LRMDA: variants seen among roughly 807,000 people sequenced by gnomAD.
LRMDA encodes leucine rich melanocyte differentiation associated, also known as leucine-rich melanocyte differentiation-associated protein.
In LRMDA, 18 loss-of-function variants were observed where a neutral mutation model predicts 29.8. The ratio of observed to expected loss-of-function variants is 0.60; its 90% confidence interval spans 0.42 to 0.90. The LOEUF is 0.90. Ranked by LOEUF, LRMDA falls within the 40% of genes least tolerant of loss-of-function variation. LRMDA has a pLI of 0.00. For missense variants in LRMDA, 273 were observed against 273.9 expected, an observed-to-expected ratio of 1.00 and a Z score of 0.02; for synonymous variants, 125 against 109.4, an observed-to-expected ratio of 1.14 and a Z score of -0.89.
At chr10:76,518,676 A>G (rs1589222877) in intron 6 of LRMDA, among the ~76,000 whole-genome samples, 1 of 152,306 alleles carries the variant, frequency 6.6e-6, no homozygotes, top group South Asian at 2.1e-4. Flanking sequence ...ATGAAGTATG[A>G]TAGCTTCACA....
intron 2 of LRMDA, among the ~76,000 whole-genome samples, chr10:75,486,231 AT>A (rs1185802796): frequency 6.6e-6 from 1 of 152,180 alleles, no homozygotes; most frequent in African/African-American, 2.4e-5. Flanking sequence ...GAATTTAGGT[AT>A]TTTTTATTAC....
rs778172203 is a variant in LRMDA at position 76,120,894 on chromosome 10, G to A, written c.516+62111G>A. On this transcript the variant is annotated intron_variant, in intron 5 of 6. Transcript: ENST00000611255. The stretch of plus-strand genomic sequence containing the variant: ...GTCATCCAGGCTGGAGTGCAGTGGC[G>A]TGATCTTGGCTCACTGCAAGCTCTG... Among the ~76,000 whole-genome samples, 8 of 150,644 alleles carry A rather than the reference G, an allele frequency of 5.3e-5. No individual in the cohort carries two copies. In the East Asian group the frequency reaches 5.9e-4, roughly 11 times the overall value.
intron 2 of LRMDA, among the ~76,000 whole-genome samples, chr10:75,621,247 A>G (rs555572758): frequency 1.3e-5 from 2 of 149,552 alleles, no homozygotes; most frequent in African/African-American, 2.5e-5. Flanking sequence ...CACACACACC[A>G]CATTTTCTTT....
intron 6 of LRMDA, among the ~76,000 whole-genome samples, chr10:76,338,013 G>C (rs1384244464): frequency 6.6e-6 from 1 of 150,500 alleles, no homozygotes; most frequent in Non-Finnish European, 1.5e-5. Context: ...CTGTGACTAA[G>C]ACAGGAAGCT....
chr10:75,478,338 C>G (rs1485740032), intron 2 of LRMDA, among the ~76,000 whole-genome samples: 2 of 152,208 alleles, frequency 1.3e-5, no homozygotes, highest in Non-Finnish European at 2.9e-5. Flanking sequence ...GTTGCATTGT[C>G]TGCTGTTAAT....
At chr10:76,102,523 A>G (rs1849409960) in intron 5 of LRMDA, among the ~76,000 whole-genome samples, 1 of 152,186 alleles carries the variant, frequency 6.6e-6, no homozygotes, top group Non-Finnish European at 1.5e-5. Context: ...GCTTAGCATA[A>G]TGGCCTCCAG....
At chr10:76,503,015 G>C (rs1272655575) in intron 6 of LRMDA, among the ~76,000 whole-genome samples, 1 of 151,866 alleles carries the variant, frequency 6.6e-6, no homozygotes, top group African/African-American at 2.4e-5. Context: ...TCTTCAGTAT[G>C]ACATTGGCTA....
intron 2 of LRMDA, among the ~76,000 whole-genome samples, chr10:75,825,154 C>T (rs1327905298): frequency 2.0e-5 from 3 of 152,148 alleles, no homozygotes; most frequent in South Asian, 4.1e-4. Flanking sequence ...CACCCGAGAC[C>T]GCCCTATGGG....
At chr10:76,139,850 T>C (rs935405115) in intron 5 of LRMDA, among the ~76,000 whole-genome samples, 3 of 152,104 alleles carry the variant, frequency 2.0e-5, no homozygotes, top group Non-Finnish European at 4.4e-5. Context: ...GCAGTTTTCT[T>C]AGACCATATC....
intron 5 of LRMDA, among the ~76,000 whole-genome samples, chr10:76,100,802 C>T (rs1849383417): frequency 6.6e-6 from 1 of 152,154 alleles, no homozygotes; most frequent in Non-Finnish European, 1.5e-5. Context: ...GCATCTGCTC[C>T]CTCCTGTAGA....
At chr10:75,823,227 GC>G (rs1271694072) in intron 2 of LRMDA, among the ~76,000 whole-genome samples, 1 of 152,050 alleles carries the variant, frequency 6.6e-6, no homozygotes, top group African/African-American at 2.4e-5. Flanking sequence ...CTGACAAAAG[GC>G]TAATATCCAC....
At chr10:75,687,795 AG>A (rs997589631) in intron 2 of LRMDA, among the ~76,000 whole-genome samples, 1 of 152,198 alleles carries the variant, frequency 6.6e-6, no homozygotes, top group Admixed American at 6.5e-5. Context: ...TTCTCTTTTT[AG>A]GGGGTACTGC....
chr10:76,443,389 G>A lies in LRMDA; in HGVS notation c.602-113820G>A, dbSNP rs35649999. Among the ~76,000 whole-genome samples, 241 of 152,322 alleles carry A rather than the reference G, an allele frequency of 1.6e-3. 1 individual carries two copies. Among genetic ancestry groups the A allele is most frequent in the Non-Finnish European group, 2.9e-3 (198 of 68,036 alleles). ...GCATCACATCTTCGAGATAATCCGA[G>A]CTAGAGTTTGGCTGTCATCTAGAAT... On this transcript the variant is annotated intron_variant, in intron 6 of 6. Transcript: ENST00000611255.
At chr10:76,098,726 A>G (rs1229554386) in intron 5 of LRMDA, among the ~76,000 whole-genome samples, 1 of 152,176 alleles carries the variant, frequency 6.6e-6, no homozygotes, top group Non-Finnish European at 1.5e-5. Context: ...GGCAATTGCA[A>G]TACAGAAAGA....
At chr10:76,045,458 G>C (rs1055014469) in intron 3 of LRMDA, among the ~76,000 whole-genome samples, 1 of 149,944 alleles carries the variant, frequency 6.7e-6, no homozygotes, top group Non-Finnish European at 1.5e-5. Flanking sequence ...TCCTCCTCTT[G>C]CTAGTTTCCC....
intron 2 of LRMDA, among the ~76,000 whole-genome samples, chr10:75,992,189 C>T (rs950039401): frequency 6.6e-6 from 1 of 152,082 alleles, no homozygotes; most frequent in African/African-American, 2.4e-5. Flanking sequence ...GCTAGCAAGT[C>T]TCAAAGTCTC....
At chr10:75,520,048 A>G (rs3012046) in intron 2 of LRMDA, among the ~76,000 whole-genome samples, 139,566 of 152,256 alleles carry the variant, frequency 0.92, 64,213 homozygotes, top group African/African-American at 0.98. Flanking sequence ...TGAGAGATCC[A>G]CTGTTAGTCT....
intron 2 of LRMDA, among the ~76,000 whole-genome samples, chr10:75,835,348 C>T (rs545168677): frequency 1.4e-4 from 21 of 152,258 alleles, no homozygotes; most frequent in African/African-American, 4.3e-4. Flanking sequence ...CTGTTTTCTC[C>T]GACTCTGACT....
At chr10:75,460,898 G>A (rs74888313) in intron 2 of LRMDA, among the ~76,000 whole-genome samples, 1 of 151,954 alleles carries the variant, frequency 6.6e-6, no homozygotes, top group Non-Finnish European at 1.5e-5. Context: ...ATCTTTGTTT[G>A]TAAATCATTA....
Sources: allele counts gnomAD v4.1 joint callset (sites outside exome capture counted in the v4.1 genomes callset), GRCh38; gene constraint gnomAD v4.1.1; transcripts MANE v1.5; gene names NCBI Gene and HGNC (gene_info 2026-07-23, HGNC 2026-07-21).